Variants in MTOR observed in about 807,000 individuals in gnomAD.
MTOR encodes serine/threonine-protein kinase mTOR.
A neutral mutation model predicts 319.8 loss-of-function variants in MTOR; 70 were observed. That is an observed-to-expected ratio of 0.22 (90% CI 0.18 to 0.27). MTOR has a LOEUF of 0.27. Among genes scored for constraint, MTOR ranks in the 10% least tolerant of loss-of-function variants. MTOR has a pLI of 1.00. For synonymous variants in MTOR, 1,183 were observed against 1,211.4 expected, an observed-to-expected ratio of 0.98 and a Z score of 0.49; for missense variants, 1,890 against 3,274.4, an observed-to-expected ratio of 0.58 and a Z score of 10.32.
intron 57 of MTOR, 113 bp from the exon 58 acceptor site, chr1:11,107,613 G>T: frequency 8.9e-7 from 1 of 1,126,884 alleles, no homozygotes; most frequent in Non-Finnish European, 1.3e-6. Flanking sequence ...GGTATTCCCT[G>T]AGCTCTCCCA....
intron 28 of MTOR, chr1:11,195,320 A>G (rs1384390148): frequency 6.7e-6 from 2 of 298,266 alleles, no homozygotes; most frequent in Non-Finnish European, 1.2e-5. Context: ...TCTTTTCCAC[A>G]TGATTTGTCT....
In MTOR at chr1:11,212,253, CA is replaced by C; in HGVS notation, c.3561+58del. On this transcript the variant is annotated intron_variant, in intron 23 of 57. Coordinates refer to ENST00000361445, the MANE Select transcript of MTOR (RefSeq NM_004958.4). This position sits in a 1 kb window ranked among gnomAD's most constrained non-coding sequence, Gnocchi z 4.1. Reference sequence around the variant, plus strand: ...AGACAAAGTCTGAGTGGCTCACAGACAAAGTCTTCTTTCCAAATAAGGCAGA... The same window carrying C: ...AGACAAAGTCTGAGTGGCTCACAGACAAGTCTTCTTTCCAAATAAGGCAGA... The C allele has an allele frequency of 4.5e-6, 7 of 1,546,044 alleles. No homozygotes were observed. The highest frequency in any genetic ancestry group is 6.1e-6 in the Non-Finnish European group (7 of 1,145,680).
At chr1:11,192,139 A>G in intron 28 of MTOR, 1 of 717,450 alleles carries the variant, frequency 1.4e-6, no homozygotes. Flanking sequence ...ACCTCTCCCA[A>G]ATGCAGACAC....
Position 11,199,496 on chromosome 1 carries a change from T to TG in MTOR, c.4107+44dup, listed in dbSNP as rs1645893396. ...TGGATGCTTCTCTCCTCCCACCAGC[T>TG]GGTTCCCTGTCAGCCTCCATCTGGA... On this transcript the variant is annotated intron_variant, in intron 27 of 57. Coordinates refer to ENST00000361445, the MANE Select transcript of MTOR (RefSeq NM_004958.4). This position sits in a 1 kb window ranked among gnomAD's most constrained non-coding sequence, Gnocchi z 4.5. 1 of 1,613,650 alleles carries TG rather than the reference T, an allele frequency of 6.2e-7. No homozygotes were observed. The highest frequency in any genetic ancestry group is 1.7e-5 in the Admixed American group (1 of 60,006).
In MTOR at chr1:11,199,432, G is replaced by A. The variant is rs1205597006; in HGVS notation, c.4108-29C>T. 3 of 1,614,120 alleles carry A rather than the reference G, an allele frequency of 1.9e-6. No homozygotes were observed. Among genetic ancestry groups the A allele is most frequent in the African/African-American group, 2.7e-5 (2 of 75,036 alleles). On this transcript the variant is annotated intron_variant, in intron 27 of 57. Transcript: ENST00000361445. The surrounding 1 kb of genome is among the most constrained non-coding windows in gnomAD (Gnocchi z 4.5). ...GAGAAGAGCAAAACCTCACAGCACA[G>A]GAAAATGGCAGATGGGGCACAAACA...
At chr1:11,123,201 A>C (rs1319900958) in intron 47 of MTOR, among the ~76,000 whole-genome samples, 1 of 152,200 alleles carries the variant, frequency 6.6e-6, no homozygotes, top group Non-Finnish European at 1.5e-5. Flanking sequence ...CTCTGGAAGA[A>C]CTTGGTTATA....
chr1:11,262,283 G>A (rs1391480134), intron 1 of MTOR, among the ~76,000 whole-genome samples, 162 bp downstream of exon 1: 2 of 152,248 alleles, frequency 1.3e-5, no homozygotes, highest in Admixed American at 6.5e-5. Context: ...TGCCTCGAGG[G>A]GTGGGAGTCA....
rs35067541 is a variant in MTOR, at chr1:11,230,121, T to TA, written c.2779+803dup. ...GTCAATTAAAAATAAAACAAACCTT[T>TA]AAAAAAAAAAAAAAGGCGTCCAGGC... On this transcript the variant is annotated intron_variant, in intron 18 of 57. Coordinates refer to ENST00000361445, the MANE Select transcript of MTOR (RefSeq NM_004958.4). 2.1e-3 allele frequency among the ~76,000 whole-genome samples: 306 copies of TA among 144,830 alleles called. 2 individuals carry two copies. Among genetic ancestry groups the TA allele is most frequent in the African/African-American group, 6.8e-3 (264 of 38,768 alleles).
chr1:11,194,962 G>C (rs1446667305), intron 28 of MTOR: 4 of 1,613,954 alleles, frequency 2.5e-6, no homozygotes, highest in Admixed American at 1.7e-5. Context: ...GGCTGGCATG[G>C]ATCTACCTAC....
At chr1:11,246,272 G>A (rs557920675) in intron 8 of MTOR, among the ~76,000 whole-genome samples, 14 of 152,300 alleles carry the variant, frequency 9.2e-5, no homozygotes, top group African/African-American at 3.1e-4. Flanking sequence ...GCAGCCTTCT[G>A]AACTTACAAG....
At chr1:11,216,110 C>T (rs762639773) in intron 20 of MTOR, 38 bp downstream of exon 20, 4 of 1,512,028 alleles carry the variant, frequency 2.6e-6, no homozygotes, top group South Asian at 1.1e-5. Flanking sequence ...TTCCTTGACC[C>T]AAACATGGAA....
chr1:11,118,688 C>T (rs968671446), intron 49 of MTOR, among the ~76,000 whole-genome samples: 2 of 148,106 alleles, frequency 1.4e-5, no homozygotes, highest in African/African-American at 2.5e-5. Context: ...TGTGCAGTGG[C>T]ACAATCTCAG....
intron 13 of MTOR, 140 bp from the exon 14 acceptor site, chr1:11,234,405 T>A: frequency 1.0e-6 from 1 of 975,260 alleles, no homozygotes; most frequent in Non-Finnish European, 1.5e-6. Flanking sequence ...AGATACTCAA[T>A]GAGCAACAGA....
At chr1:11,126,341 C>T (rs1300929534) in intron 46 of MTOR, among the ~76,000 whole-genome samples, 3 of 152,190 alleles carry the variant, frequency 2.0e-5, no homozygotes, top group Non-Finnish European at 2.9e-5. Flanking sequence ...CATCAGTCTC[C>T]AACACCTGCC....
At chr1:11,134,677 G>A (rs895018053) in intron 36 of MTOR, among the ~76,000 whole-genome samples, 1 of 152,180 alleles carries the variant, frequency 6.6e-6, no homozygotes, top group Non-Finnish European at 1.5e-5. Context: ...TTCAACTCAA[G>A]TCTTGGCTCT....
At chr1:11,240,897 T>C (rs545948756) in intron 10 of MTOR, among the ~76,000 whole-genome samples, 3 of 152,090 alleles carry the variant, frequency 2.0e-5, no homozygotes, top group Admixed American at 1.3e-4. Flanking sequence ...TCAATAATAA[T>C]ATACACAATA....
Position 11,139,647 on chromosome 1 carries a change from A to G in MTOR, c.4884T>C (p.Arg1628=), listed in dbSNP as rs56219693. The G allele has an allele frequency of 3.1e-6, 5 of 1,614,202 alleles. No individual in the cohort carries two copies. The South Asian group carries it at 4.4e-5, about 14-fold the overall frequency. The change falls in exon 35 of 58, where the codon CGT becomes CGC. Residue 1628 remains arginine (R), a synonymous_variant. Coordinates refer to ENST00000361445, the MANE Select transcript of MTOR (RefSeq NM_004958.4). ...IWWERLQGCQ[R]IVEDWQKILM... Reference sequence around the variant, plus strand: ...GGATTTTCTGCCAGTCCTCTACGATACGCTGGCAGCCCTGGAACATTCAGA... The same window carrying G: ...GGATTTTCTGCCAGTCCTCTACGATGCGCTGGCAGCCCTGGAACATTCAGA...
chr1:11,189,989 T>A, intron 28 of MTOR: 1 of 1,570,868 alleles, frequency 6.4e-7, no homozygotes, highest in Non-Finnish European at 8.6e-7. Flanking sequence ...GAGCGTGGAG[T>A]GCCTCCCCAT....
intron 29 of MTOR, among the ~76,000 whole-genome samples, chr1:11,160,771 C>T (rs1295570492): frequency 6.6e-6 from 1 of 152,216 alleles, no homozygotes; most frequent in African/African-American, 2.4e-5. Context: ...CGAATCTACC[C>T]TCATGATTTA....
Sources: gnomAD v4.1 joint callset for allele counts (sites outside exome capture counted in the v4.1 genomes callset) on GRCh38, gnomAD v4.1.1 for gene constraint, Gnocchi (gnomAD v3.1) non-coding constraint, MANE v1.5 for transcripts, NCBI Gene and HGNC (gene_info 2026-07-23, HGNC 2026-07-21) for gene names.